Variants in MAST2 observed in about 807,000 individuals in gnomAD.
The protein encoded by MAST2 is microtubule associated serine/threonine kinase 2.
MAST2 carries 70 observed loss-of-function variants against 147.4 expected under a neutral mutation model. The observed-to-expected ratio is 0.47, with a 90% CI of 0.39 to 0.58. MAST2 has a LOEUF of 0.58. MAST2 is among the 20% of genes least tolerant of loss of function. The pLI, the probability that MAST2 is intolerant of heterozygous loss-of-function variation, is 0.00. For missense variants in MAST2, 2,080 were observed against 2,302.3 expected (o/e 0.90, Z 1.98); for synonymous variants, 869 against 896.8 (o/e 0.97, Z 0.55).
intron 4 of MAST2, among the ~76,000 whole-genome samples, chr1:45,897,755 G>T (rs1033932954): frequency 2.0e-5 from 3 of 151,982 alleles, no homozygotes; most frequent in African/African-American, 7.3e-5. Flanking sequence ...GTTGCGGTGA[G>T]CCATAATCAC....
intron 5 of MAST2, among the ~76,000 whole-genome samples, chr1:45,965,472 T>A (rs927185166): frequency 1.3e-5 from 2 of 152,160 alleles, no homozygotes; most frequent in African/African-American, 2.4e-5. Flanking sequence ...CCTTTACCAT[T>A]ATGTAATGGC....
intron 5 of MAST2, among the ~76,000 whole-genome samples, chr1:45,978,732 C>T (rs1644275770): frequency 1.3e-5 from 2 of 152,076 alleles, no homozygotes; most frequent in South Asian, 4.1e-4. Context: ...AGAACACAAA[C>T]GGACACATAT....
intron 5 of MAST2, among the ~76,000 whole-genome samples, chr1:45,995,131 C>T (rs1159663662): frequency 6.6e-6 from 1 of 152,128 alleles, no homozygotes; most frequent in African/African-American, 2.4e-5. Flanking sequence ...TGAGCCACCA[C>T]GCCTGGCCCA....
intron 5 of MAST2, among the ~76,000 whole-genome samples, chr1:45,982,392 A>C (rs991170211): frequency 6.6e-6 from 1 of 152,234 alleles, no homozygotes; most frequent in Non-Finnish European, 1.5e-5. Flanking sequence ...ACTGATCACA[A>C]GAAAGACAAA....
At chr1:45,964,223 G>C (rs1260498396) in intron 5 of MAST2, among the ~76,000 whole-genome samples, 1 of 152,068 alleles carries the variant, frequency 6.6e-6, no homozygotes, top group Non-Finnish European at 1.5e-5. Context: ...GGATGATGCC[G>C]GCCTCATAAA....
intron 4 of MAST2, among the ~76,000 whole-genome samples, chr1:45,909,829 T>A (rs565867388): frequency 6.6e-6 from 1 of 151,678 alleles, no homozygotes; most frequent in African/African-American, 2.4e-5. Flanking sequence ...TCTTTTCTTT[T>A]TTGAAGACAG....
At chr1:45,874,601 AATG>A (rs1646524226) in intron 3 of MAST2, among the ~76,000 whole-genome samples, 1 of 152,216 alleles carries the variant, frequency 6.6e-6, no homozygotes, top group South Asian at 2.1e-4. Flanking sequence ...ATTGCCTTAT[AATG>A]ATGATAACAA....
chr1:45,963,320 TG>T (rs1278953457), intron 5 of MAST2, among the ~76,000 whole-genome samples: 11 of 152,202 alleles, frequency 7.2e-5, no homozygotes, highest in Admixed American at 5.2e-4. Context: ...GGTAGCTTGA[TG>T]GGGGTGGCAT....
intron 10 of MAST2, among the ~76,000 whole-genome samples, chr1:46,011,701 AT>A (rs1257846241): frequency 6.6e-6 from 1 of 152,192 alleles, no homozygotes; most frequent in Non-Finnish European, 1.5e-5. Flanking sequence ...AGAACCCCTT[AT>A]TACCTCCAGA....
At chr1:45,977,296 T>C (rs1644202154) in intron 5 of MAST2, among the ~76,000 whole-genome samples, 1 of 151,486 alleles carries the variant, frequency 6.6e-6, no homozygotes, top group Non-Finnish European at 1.5e-5. Flanking sequence ...GAGACCAGCC[T>C]GGCTGACATG....
At chr1:45,855,150 T>C (rs766203923) in intron 3 of MAST2, among the ~76,000 whole-genome samples, 16 of 152,192 alleles carry the variant, frequency 1.1e-4, no homozygotes, top group Non-Finnish European at 1.6e-4. Flanking sequence ...GCTTGGTCTT[T>C]CTGGTGCACA....
chr1:45,853,083 A>C (rs966562378), intron 3 of MAST2, among the ~76,000 whole-genome samples: 1 of 151,954 alleles, frequency 6.6e-6, no homozygotes, highest in Non-Finnish European at 1.5e-5. Context: ...GTCGCCTACC[A>C]CCATGCTCAC....
rs547179786 is a variant in MAST2, at chr1:45,960,424, G to T, written c.592+947G>T. Among the ~76,000 whole-genome samples the T allele has an allele frequency of 5.3e-5, 8 of 152,174 alleles. No homozygotes were observed. The East Asian group carries it at 9.7e-4, about 18-fold the overall frequency. On this transcript the variant is annotated intron_variant, in intron 5 of 28. Coordinates refer to ENST00000361297, the MANE Select transcript of MAST2 (RefSeq NM_015112.3). The stretch of plus-strand genomic sequence containing the variant: ...CTTGGGAGGCTGAGGTGGGAGCATC[G>T]CCTGATCACCTGAGCCCATGGAGGT...
intron 4 of MAST2, among the ~76,000 whole-genome samples, chr1:45,956,060 C>A (rs754199353): frequency 2.0e-5 from 3 of 152,110 alleles, no homozygotes; most frequent in Non-Finnish European, 4.4e-5. Context: ...CAGTCTGTCA[C>A]TATAGATTAG....
At chr1:46,000,669 G>A (rs1022394115) in intron 6 of MAST2, among the ~76,000 whole-genome samples, 1 of 152,164 alleles carries the variant, frequency 6.6e-6, no homozygotes, top group African/African-American at 2.4e-5. Flanking sequence ...GCTGGTTATT[G>A]GTGGGATGGG....
chr1:45,826,765 A>AC (rs1284209465), intron 2 of MAST2, among the ~76,000 whole-genome samples: 1 of 149,792 alleles, frequency 6.7e-6, no homozygotes, highest in Non-Finnish European at 1.5e-5. Context: ...CAGTTTTTTC[A>AC]CCCCCTCATT....
chr1:45,956,141 A>G (rs1327015107), intron 4 of MAST2, among the ~76,000 whole-genome samples: 1 of 152,208 alleles, frequency 6.6e-6, no homozygotes, highest in Non-Finnish European at 1.5e-5. Flanking sequence ...GAGTCCCACC[A>G]GTGAAATTTC....
chr1:45,848,741 G>T (rs1420983985), intron 3 of MAST2, among the ~76,000 whole-genome samples: 1 of 152,124 alleles, frequency 6.6e-6, no homozygotes, highest in Non-Finnish European at 1.5e-5. Flanking sequence ...GAGTAATCAG[G>T]CAAGAGAAAG....
intron 4 of MAST2, among the ~76,000 whole-genome samples, chr1:45,885,131 G>A (rs552099796): frequency 2.0e-5 from 3 of 152,104 alleles, no homozygotes; most frequent in African/African-American, 7.2e-5. Flanking sequence ...ACTGTTTCTC[G>A]TCCTCATAGC....
Sources: allele counts gnomAD v4.1 joint callset (sites outside exome capture counted in the v4.1 genomes callset), GRCh38; gene constraint gnomAD v4.1.1; transcripts MANE v1.5; gene names NCBI Gene and HGNC (gene_info 2026-07-23, HGNC 2026-07-21).